Variants in UNC13C observed in about 807,000 individuals in gnomAD.
The protein encoded by UNC13C is protein unc-13 homolog C.
UNC13C carries 174 observed loss-of-function variants against 245.4 expected under a neutral mutation model. The observed-to-expected ratio is 0.71, with a 90% CI of 0.63 to 0.80. The LOEUF (loss-of-function observed/expected upper bound fraction) is 0.80. UNC13C is among the 30% of genes least tolerant of loss of function. The probability of loss-of-function intolerance (pLI) is 0.00; values close to 1 mark genes in which losing one functional copy is unlikely to be tolerated. For missense variants in UNC13C, 2,829 were observed against 2,602.9 expected (o/e 1.09, Z -1.89); for synonymous variants, 992 against 895.1 (o/e 1.11, Z -1.93).
At chr15:53,912,456 C>A in the UNC13C span, 1 of 152,134 alleles carries the variant, frequency 6.6e-6, no homozygotes. Context: ...TTTATGGGAA[C>A]CTGGATAAGT....
chr15:54,480,064 A>G (rs1279732342), intron 19 of UNC13C, among the ~76,000 whole-genome samples: 2 of 152,150 alleles, frequency 1.3e-5, no homozygotes, highest in East Asian at 1.9e-4. Context: ...ACTCCCTTAT[A>G]TGTGAGTTGA....
rs559102573 is a variant in UNC13C at position 54,042,807 on chromosome 15, C to T, written c.2983+26921C>T. On this transcript the variant is annotated intron_variant, in intron 2 of 32. Transcript: ENST00000260323. ...GGTGGAACTTGCAGTGAGCCGAGAT[C>T]GTGCCACTGCACTCCAGCCTGGGTG... 5.4e-4 allele frequency among the ~76,000 whole-genome samples: 82 copies of T among 152,064 alleles called. 1 individual carries two copies. The South Asian group carries it at 0.015, about 27-fold the overall frequency.
intron 19 of UNC13C, among the ~76,000 whole-genome samples, chr15:54,425,433 A>G (rs529108103): frequency 4.0e-5 from 6 of 151,894 alleles, no homozygotes; most frequent in Non-Finnish European, 7.4e-5. Flanking sequence ...TTATGAGGCT[A>G]AAGAATTTTC....
intron 19 of UNC13C, among the ~76,000 whole-genome samples, chr15:54,455,414 T>C (rs958372172): frequency 1.3e-5 from 2 of 151,046 alleles, no homozygotes; most frequent in African/African-American, 4.9e-5. Flanking sequence ...GTTCTACCTT[T>C]AGTTCTTTAA....
At chr15:53,968,233 G>A in the UNC13C span, 1 of 152,180 alleles carries the variant, frequency 6.6e-6, no homozygotes, top group Non-Finnish European at 1.5e-5. Flanking sequence ...GCATTATGCA[G>A]TATTACTGAA....
At chr15:53,867,805 G>T in the UNC13C span, among the ~76,000 whole-genome samples, 3 of 151,968 alleles carry the variant, frequency 2.0e-5, no homozygotes, top group Non-Finnish European at 4.4e-5. Flanking sequence ...TGCCTTTCTT[G>T]TTCAAGGTTA....
chr15:54,311,507 A>G (rs1337700763), intron 13 of UNC13C, among the ~76,000 whole-genome samples: 1 of 151,796 alleles, frequency 6.6e-6, no homozygotes, highest in East Asian at 1.9e-4. Context: ...TGGAAAGAAA[A>G]GTAGCATTAA....
chr15:53,979,992 A>G (rs1191368079), intron 1 of UNC13C, among the ~76,000 whole-genome samples: 1 of 152,158 alleles, frequency 6.6e-6, no homozygotes. Context: ...ACATTTTTGT[A>G]TATATAAAAT....
At chr15:54,396,303 A>G (rs140451727) in intron 18 of UNC13C, among the ~76,000 whole-genome samples, 211 of 151,718 alleles carry the variant, frequency 1.4e-3, no homozygotes, top group African/African-American at 4.7e-3. Context: ...TTCTAATACT[A>G]TGAATTAGTT....
At chr15:53,980,943 A>G (rs1893901961) in intron 1 of UNC13C, among the ~76,000 whole-genome samples, 1 of 152,210 alleles carries the variant, frequency 6.6e-6, no homozygotes, top group Non-Finnish European at 1.5e-5. Flanking sequence ...CCCATGGGTC[A>G]TTGGAAACAC....
chr15:54,623,195 A>AT (rs149457699), intron 31 of UNC13C, among the ~76,000 whole-genome samples: 4 of 151,944 alleles, frequency 2.6e-5, no homozygotes, highest in South Asian at 2.1e-4. Flanking sequence ...TTCATTTAGT[A>AT]TTTTTTTTAT....
chr15:54,489,892 T>G (rs1015866548), intron 19 of UNC13C, among the ~76,000 whole-genome samples: 5 of 152,236 alleles, frequency 3.3e-5, no homozygotes, highest in Non-Finnish European at 1.5e-5. Context: ...AAGATCAGAC[T>G]TGTATCACCA....
Position 54,628,084 on chromosome 15 carries a change from G to A in UNC13C, c.*971G>A, listed in dbSNP as rs1311324829. On this transcript the variant is annotated 3_prime_UTR_variant, in exon 33 of 33. Coordinates refer to ENST00000260323, the MANE Select transcript of UNC13C (RefSeq NM_001080534.3). ...TTTTCATCCACTTAGTGAAAAAATAGTAAAATTAAGTCGGAAGAAATTGCT... is the reference window on the plus strand; with the variant it reads ...TTTTCATCCACTTAGTGAAAAAATAATAAAATTAAGTCGGAAGAAATTGCT... 1 of 151,758 alleles carries A rather than the reference G, an allele frequency of 6.6e-6. No homozygotes were observed. Among genetic ancestry groups the A allele is most frequent in the African/African-American group, 2.4e-5 (1 of 41,146 alleles). The allele number at this position is 151,758 out of a possible 1,614,324, so 9.4% of individuals were successfully genotyped here. A position where few individuals can be genotyped will look rare whatever the true frequency, so the allele number is the denominator to read the frequency against.
intron 17 of UNC13C, among the ~76,000 whole-genome samples, chr15:54,349,082 T>G (rs1204349168): frequency 6.7e-6 from 1 of 148,860 alleles, no homozygotes; most frequent in African/African-American, 2.4e-5. Context: ...TATATACAAA[T>G]ATATCAAATT....
intron 4 of UNC13C, among the ~76,000 whole-genome samples, chr15:54,157,538 G>T (rs1169609997): frequency 6.6e-6 from 1 of 152,162 alleles, no homozygotes; most frequent in Non-Finnish European, 1.5e-5. Context: ...TTCTTAGGTT[G>T]CAGTAGTTTT....
chr15:54,579,237 A>AT (rs936545248), intron 30 of UNC13C, among the ~76,000 whole-genome samples: 2 of 152,074 alleles, frequency 1.3e-5, no homozygotes, highest in Admixed American at 6.5e-5. Context: ...AGTGTGGTTG[A>AT]TTTTTTTTCT....
intron 2 of UNC13C, among the ~76,000 whole-genome samples, chr15:54,101,314 G>T (rs1487762935): frequency 1.3e-5 from 2 of 151,928 alleles, no homozygotes; most frequent in Non-Finnish European, 2.9e-5. Context: ...CCGCTCTGCT[G>T]CTATTTCTCT....
intron 30 of UNC13C, among the ~76,000 whole-genome samples, chr15:54,620,965 A>AG (rs1218274062): frequency 6.6e-5 from 10 of 152,162 alleles, no homozygotes; most frequent in African/African-American, 2.4e-4. Context: ...TTCAGTGGTG[A>AG]GGGGTCATTG....
In UNC13C at chr15:54,545,822, G is replaced by A. The variant is rs186500570; in HGVS notation, c.5697-900G>A. Among the ~76,000 whole-genome samples the A allele has an allele frequency of 1.3e-4, 20 of 152,116 alleles. No individual in the cohort carries two copies. The East Asian group carries it at 3.3e-3, about 25-fold the overall frequency. On this transcript the variant is annotated intron_variant, in intron 26 of 32. Coordinates refer to ENST00000260323, the MANE Select transcript of UNC13C (RefSeq NM_001080534.3). Reference sequence around the variant, plus strand: ...GATCACTAAAAAGTCAGGAAATCACGGATGCTGGAGAGAATGTGGAGAAAT... The same window carrying A: ...GATCACTAAAAAGTCAGGAAATCACAGATGCTGGAGAGAATGTGGAGAAAT...
Sources: allele counts gnomAD v4.1 joint callset (sites outside exome capture counted in the v4.1 genomes callset), GRCh38; gene constraint gnomAD v4.1.1; transcripts MANE v1.5; gene names NCBI Gene and HGNC (gene_info 2026-07-23, HGNC 2026-07-21).